SHPRH: variants seen among roughly 807,000 people sequenced by gnomAD.
SHPRH encodes the protein E3 ubiquitin-protein ligase SHPRH.
SHPRH carries 106 observed loss-of-function variants against 202.5 expected under a neutral mutation model. The observed-to-expected ratio is 0.52, with a 90% CI of 0.45 to 0.62. The LOEUF is 0.62. SHPRH is among the 20% of genes least tolerant of loss of function. The pLI, the probability that SHPRH is intolerant of heterozygous loss-of-function variation, is 0.00. For missense variants in SHPRH, 1,710 were observed against 2,020.0 expected (o/e 0.85, Z 2.94); for synonymous variants, 729 against 686.0 (o/e 1.06, Z -0.98).
chr6:145,950,303 T>C lies in SHPRH; in HGVS notation c.943A>G (p.Met315Val). 6.2e-7 allele frequency: 1 copy of C among 1,613,130 alleles called. No homozygotes were observed. Among genetic ancestry groups the C allele is most frequent in the South Asian group, 1.1e-5 (1 of 91,066 alleles). Residue 315 changes from methionine to valine, a missense_variant, in exon 4 of 30, where the codon ATG becomes GTG. By Grantham distance (21) the Met-to-Val change is conservative (BLOSUM62 1). Transcript: ENST00000275233. The stretch of plus-strand genomic sequence containing the variant: ...CTTCTGAAACACTCTTGTTGTAGCA[T>C]CCAATTGACAGCCTCTCTTTGGTAG... ...RPYQREAVNW[M>V]LQQECFRSSP... is the part of the protein sequence containing the mutation.
At chr6:145,948,452 G>C (rs1436457506) in intron 4 of SHPRH, 102 bp from the exon 5 acceptor site, 1 of 746,442 alleles carries the variant, frequency 1.3e-6, no homozygotes, top group Non-Finnish European at 2.1e-6. Context: ...CTCTGGCATA[G>C]TGATACCCAT....
intron 20 of SHPRH, among the ~76,000 whole-genome samples, chr6:145,921,974 T>C (rs185193538): frequency 5.3e-5 from 8 of 152,076 alleles, no homozygotes; most frequent in Non-Finnish European, 1.2e-4. Flanking sequence ...CTACCTTGAA[T>C]AGCAGTAAAA....
chr6:145,924,708 T>C, intron 17 of SHPRH, 31 bp downstream of exon 17: 5 of 1,590,518 alleles, frequency 3.1e-6, no homozygotes, highest in Non-Finnish European at 4.3e-6. Context: ...TGGAGGCAAA[T>C]ACAAGTAAGA....
intron 25 of SHPRH, among the ~76,000 whole-genome samples, chr6:145,895,711 A>G (rs573005685): frequency 6.6e-6 from 1 of 152,144 alleles, no homozygotes; most frequent in East Asian, 1.9e-4. Context: ...TGACAGAGAA[A>G]TTAAGGTTAT....
rs61486386 is a variant in SHPRH, at chr6:145,937,397, A to G, written c.2570-1956T>C. Among the ~76,000 whole-genome samples the G allele has an allele frequency of 9.2e-5, 14 of 152,226 alleles. No homozygotes were observed. In the East Asian group the frequency reaches 2.3e-3, roughly 25 times the overall value. ...GAGGCTTGTTAATTTTGCCTTATCC[A>G]CTTTTTTCTGTTATCTTTAGGACAA... On this transcript the variant is annotated intron_variant, in intron 11 of 29. Coordinates refer to ENST00000275233, the MANE Select transcript of SHPRH (RefSeq NM_001042683.3).
At chr6:145,951,301 C>T (rs1166974376) in intron 3 of SHPRH, among the ~76,000 whole-genome samples, 1 of 151,968 alleles carries the variant, frequency 6.6e-6, no homozygotes, top group Non-Finnish European at 1.5e-5. Flanking sequence ...TTCTGAATTG[C>T]TTTGAAAGAG....
chr6:145,862,760 T>G (rs1283937502), downstream of SHPRH: 3 of 152,230 alleles, frequency 2.0e-5, no homozygotes, highest in African/African-American at 7.2e-5. Flanking sequence ...TTCATGTCTG[T>G]GAAGTGCAGT....
At chr6:145,947,445 C>T (rs1440549699) in intron 6 of SHPRH, 48 bp downstream of exon 6, 6 of 1,578,534 alleles carry the variant, frequency 3.8e-6, no homozygotes, top group South Asian at 2.3e-5. Flanking sequence ...CGATGCTTTT[C>T]GAGAACATAT....
At chr6:145,962,433 A>C (rs1293599536) in intron 1 of SHPRH, among the ~76,000 whole-genome samples, 1 of 152,354 alleles carries the variant, frequency 6.6e-6, no homozygotes, top group African/African-American at 2.4e-5. Flanking sequence ...TCTTATCCAC[A>C]TTCTAGAAGA....
chr6:145,910,490 A>G lies in SHPRH; in HGVS notation c.4473T>C (p.Phe1491=). The change falls in exon 25 of 30, where the codon TTT becomes TTC. Residue 1491 remains phenylalanine (F), a synonymous_variant. Coordinates refer to ENST00000275233, the MANE Select transcript of SHPRH (RefSeq NM_001042683.3). The part of the protein sequence containing the change: ...TTSHKEISYV[F]TSEKANQEED... The stretch of plus-strand genomic sequence containing the variant: ...CCTCCTGGTTTGCTTTCTCTGAGGT[A>G]AAGACATACGAGATTTCTTTGTGAG... 2 of 1,613,174 alleles carry G rather than the reference A, an allele frequency of 1.2e-6. No individual in the cohort carries two copies. The highest frequency in any genetic ancestry group is 1.7e-6 in the Non-Finnish European group (2 of 1,179,528).
intron 2 of SHPRH, among the ~76,000 whole-genome samples, chr6:145,953,283 C>T (rs1330163868): frequency 6.6e-6 from 1 of 152,030 alleles, no homozygotes; most frequent in Non-Finnish European, 1.5e-5. Flanking sequence ...TATTTCATTA[C>T]TGCTAGTATT....
downstream of SHPRH, among the ~76,000 whole-genome samples, chr6:145,859,598 C>T (rs577651126): frequency 1.3e-5 from 2 of 151,978 alleles, no homozygotes; most frequent in South Asian, 4.2e-4. Flanking sequence ...AGAAATAAAA[C>T]AGCAACCATT....
chr6:145,951,449 C>T (rs1458610909), intron 3 of SHPRH, among the ~76,000 whole-genome samples: 1 of 151,874 alleles, frequency 6.6e-6, no homozygotes, highest in African/African-American at 2.4e-5. Context: ...CAGCTTTATG[C>T]TCAGTTGTTT....
intron 21 of SHPRH, among the ~76,000 whole-genome samples, chr6:145,920,696 T>C (rs757011681): frequency 1.3e-5 from 2 of 152,108 alleles, no homozygotes; most frequent in Non-Finnish European, 2.9e-5. Context: ...AGAGGTATAA[T>C]ATGATGGAAT....
intron 1 of SHPRH, among the ~76,000 whole-genome samples, chr6:145,960,426 T>C (rs1788973638): frequency 1.3e-5 from 2 of 152,100 alleles, no homozygotes; most frequent in Admixed American, 1.3e-4. Flanking sequence ...TGGAAGGGAA[T>C]TGGGCCAGTT....
At chr6:145,864,718 C>G (rs928498000) in intron 2 of SHPRH, among the ~76,000 whole-genome samples, 3 of 148,260 alleles carry the variant, frequency 2.0e-5, no homozygotes, top group African/African-American at 7.5e-5. Context: ...AAAAGAGAAA[C>G]TGCATTCTTT....
rs1244899961 is a variant in SHPRH at position 145,943,697 on chromosome 6, G to C, written c.1684C>G (p.Pro562Ala). 5 of 1,613,458 alleles carry C rather than the reference G, an allele frequency of 3.1e-6. No homozygotes were observed. The highest frequency in any genetic ancestry group is 4.2e-6 in the Non-Finnish European group (5 of 1,179,792). ...CTGGACTTATAATAATAATAGTAAGGATCATCATCATCATCAGAGGTGTCT... is the reference window on the plus strand; with the variant it reads ...CTGGACTTATAATAATAATAGTAAGCATCATCATCATCATCAGAGGTGTCT... ...PSDTSDDDDD[P>A]YYYYYKSRRN... Residue 562 changes from proline (P) to alanine (A), a missense_variant, in exon 9 of 30, where the codon CCT (proline) becomes GCT (alanine). Pro to Ala is a conservative substitution (Grantham distance 27, BLOSUM62 -1). Coordinates refer to ENST00000275233, the MANE Select transcript of SHPRH (RefSeq NM_001042683.3).
chr6:145,953,059 T>C (rs1346936992), intron 2 of SHPRH, among the ~76,000 whole-genome samples: 2 of 152,130 alleles, frequency 1.3e-5, no homozygotes, highest in Admixed American at 6.6e-5. Context: ...CTATTGATTT[T>C]GACCTAAGTG....
chr6:145,932,997 A>G (rs1245098784), intron 14 of SHPRH, 60 bp downstream of exon 14: 5 of 1,520,088 alleles, frequency 3.3e-6, no homozygotes, highest in African/African-American at 1.4e-5. Flanking sequence ...TATTTTTTCT[A>G]TAATTAACCT....
Sources: allele counts gnomAD v4.1 joint callset (sites outside exome capture counted in the v4.1 genomes callset), GRCh38; gene constraint gnomAD v4.1.1; transcripts MANE v1.5; gene names NCBI Gene and HGNC (gene_info 2026-07-23, HGNC 2026-07-21).